FTO: variants seen among roughly 807,000 people sequenced by gnomAD.
FTO encodes FTO alpha-ketoglutarate dependent dioxygenase.
Under a neutral mutation model 63.9 loss-of-function variants are expected in FTO, and 47 were observed. The observed-to-expected ratio is 0.74, with a 90% confidence interval of 0.58 to 0.94. The LOEUF (loss-of-function observed/expected upper bound fraction) is 0.94, where lower values mean the gene tolerates loss of function less well. Ranked by LOEUF, FTO falls within the 40% of genes least tolerant of loss-of-function variation. FTO has a pLI of 0.00. For missense variants in FTO, 562 were observed against 618.1 expected (o/e 0.91, Z 0.96); for synonymous variants, 207 against 224.4 (o/e 0.92, Z 0.69).
intron 8 of FTO, among the ~76,000 whole-genome samples, chr16:54,002,325 A>G (rs1013924885): frequency 6.6e-6 from 1 of 152,182 alleles, no homozygotes; most frequent in Non-Finnish European, 1.5e-5. Context: ...TGGCCACAAT[A>G]CACACTTGAC....
chr16:53,813,889 G>A (rs1009063979), intron 2 of FTO, among the ~76,000 whole-genome samples: 2 of 152,186 alleles, frequency 1.3e-5, no homozygotes, highest in African/African-American at 2.4e-5. Flanking sequence ...ATCAAGAGAG[G>A]AACCAGGCAC....
chr16:54,034,532 G>A (rs2084901711), intron 8 of FTO, among the ~76,000 whole-genome samples: 1 of 152,124 alleles, frequency 6.6e-6, no homozygotes. Flanking sequence ...CCCAAATTCT[G>A]TGTACAGTAG....
intron 8 of FTO, among the ~76,000 whole-genome samples, chr16:54,066,183 A>G (rs1027002615): frequency 7.9e-5 from 12 of 152,198 alleles, no homozygotes; most frequent in African/African-American, 2.4e-4. Context: ...TTGCTGTCCC[A>G]GGAGACTTTC....
At chr16:53,746,882 C>T (rs1261699988) in intron 1 of FTO, among the ~76,000 whole-genome samples, 3 of 152,106 alleles carry the variant, frequency 2.0e-5, no homozygotes, top group Admixed American at 2.0e-4. Context: ...GCCTTGGGTA[C>T]CCACCATTCT....
At chr16:53,866,050 T>C (rs182451348) in intron 4 of FTO, among the ~76,000 whole-genome samples, 5 of 152,362 alleles carry the variant, frequency 3.3e-5, no homozygotes, top group Admixed American at 2.6e-4. Context: ...ACACATTCTT[T>C]ATATGTTGAG....
chr16:53,731,622 C>T (rs1298288845), intron 1 of FTO, among the ~76,000 whole-genome samples: 2 of 152,210 alleles, frequency 1.3e-5, no homozygotes, highest in African/African-American at 2.4e-5. Flanking sequence ...GGCTGGAGTG[C>T]GGTGGCATAT....
chr16:53,751,971 A>AAT (rs1185502224), intron 1 of FTO, among the ~76,000 whole-genome samples: 1 of 152,216 alleles, frequency 6.6e-6, no homozygotes, highest in Non-Finnish European at 1.5e-5. Context: ...CTTATAGTCA[A>AAT]ATCCTCTTTG....
intron 1 of FTO, among the ~76,000 whole-genome samples, chr16:53,760,359 C>T (rs1267737503): frequency 6.6e-6 from 1 of 151,730 alleles, no homozygotes; most frequent in Non-Finnish European, 1.5e-5. Flanking sequence ...AATCCTCCTG[C>T]CTCAGCCTCC....
At position 54,003,562 on chromosome 16, in the gene FTO, C is replaced by T. The variant is rs530289085; in HGVS notation, c.1364+69453C>T. ...ATAGAGACAGGGTCTTGCTATGTTG[C>T]CCAAGCCAGTCTCAAACTTCTGGCC... On this transcript the variant is annotated intron_variant, in intron 8 of 8. Coordinates refer to ENST00000471389, the MANE Select transcript of FTO (RefSeq NM_001080432.3). Among the ~76,000 whole-genome samples the T allele has an allele frequency of 5.3e-5, 8 of 152,144 alleles. No homozygotes were observed. In the East Asian group the frequency reaches 1.5e-3, roughly 29 times the overall value.
At chr16:53,784,058 A>G (rs565423081) in intron 1 of FTO, among the ~76,000 whole-genome samples, 17 of 152,334 alleles carry the variant, frequency 1.1e-4, no homozygotes, top group African/African-American at 4.1e-4. Flanking sequence ...GTCACTTACA[A>G]TGAGCAGCCA....
chr16:54,031,370 T>C (rs1322295653), intron 8 of FTO, among the ~76,000 whole-genome samples: 1 of 152,160 alleles, frequency 6.6e-6, no homozygotes, highest in African/African-American at 2.4e-5. Context: ...AGTGAGGAGA[T>C]GGGAGATATT....
chr16:53,800,134 C>G (rs1442387596), intron 1 of FTO, among the ~76,000 whole-genome samples: 1 of 151,956 alleles, frequency 6.6e-6, no homozygotes, highest in African/African-American at 2.4e-5. Flanking sequence ...TATAGGCATT[C>G]AGTGCCATAA....
At chr16:53,850,973 T>G (rs1411954067) in intron 4 of FTO, among the ~76,000 whole-genome samples, 1 of 152,118 alleles carries the variant, frequency 6.6e-6, no homozygotes, top group Non-Finnish European at 1.5e-5. Flanking sequence ...GAATTAGATC[T>G]CAATAAAACT....
intron 8 of FTO, among the ~76,000 whole-genome samples, chr16:54,058,308 A>G (rs1189851841): frequency 6.6e-6 from 1 of 152,092 alleles, no homozygotes; most frequent in Non-Finnish European, 1.5e-5. Context: ...TTTTTAATAG[A>G]GATGGGGTTT....
At chr16:53,976,486 G>A (rs28478013) in intron 8 of FTO, among the ~76,000 whole-genome samples, 4 of 151,690 alleles carry the variant, frequency 2.6e-5, no homozygotes, top group Non-Finnish European at 5.9e-5. Context: ...CCAAAACTTT[G>A]TGTGTTTTTA....
chr16:53,802,288 T>C (rs1481997876), intron 1 of FTO, among the ~76,000 whole-genome samples: 1 of 152,192 alleles, frequency 6.6e-6, no homozygotes, highest in Admixed American at 6.5e-5. Context: ...ATAAATGCTA[T>C]ATAAATAGTT....
intron 8 of FTO, among the ~76,000 whole-genome samples, chr16:54,000,421 G>A (rs1318984498): frequency 6.6e-6 from 1 of 152,192 alleles, no homozygotes; most frequent in African/African-American, 2.4e-5. Flanking sequence ...ATTCTGGATA[G>A]TTTTCTCAGC....
chr16:53,877,590 CT>C (rs2080694561), intron 5 of FTO, among the ~76,000 whole-genome samples: 1 of 152,074 alleles, frequency 6.6e-6, no homozygotes, highest in Non-Finnish European at 1.5e-5. Context: ...CACAGGGTTT[CT>C]TTTTGGGGTG....
At chr16:53,833,320 A>G (rs2079194324) in intron 3 of FTO, among the ~76,000 whole-genome samples, 1 of 152,170 alleles carries the variant, frequency 6.6e-6, no homozygotes, top group African/African-American at 2.4e-5. Context: ...TAATACAACT[A>G]TTTTACTTAA....
Sources: allele counts gnomAD v4.1 joint callset (sites outside exome capture counted in the v4.1 genomes callset), GRCh38; gene constraint gnomAD v4.1.1; transcripts MANE v1.5; gene names NCBI Gene and HGNC (gene_info 2026-07-23, HGNC 2026-07-21).